The following ATP11A variants were observed in gnomAD, a reference collection of about 807,000 sequenced individuals.
ATP11A encodes phospholipid-transporting ATPase IH.
In ATP11A, 81 loss-of-function variants were observed where a neutral mutation model predicts 154.4. The observed-to-expected ratio is 0.52, with a 90% confidence interval of 0.44 to 0.63. The LOEUF (loss-of-function observed/expected upper bound fraction) is 0.63. ATP11A is among the 30% of genes least tolerant of loss of function. The pLI is 0.00. For missense variants in ATP11A, 1,316 were observed against 1,474.3 expected, an observed-to-expected ratio of 0.89 and a Z score of 1.76; for synonymous variants, 623 against 585.9, an observed-to-expected ratio of 1.06 and a Z score of -0.91.
At chr13:112,769,935 C>G (rs889828909) in intron 1 of ATP11A, among the ~76,000 whole-genome samples, 1 of 152,338 alleles carries the variant, frequency 6.6e-6, no homozygotes, top group South Asian at 2.1e-4. Context: ...TGGTCAGAAA[C>G]GTACTCCTGT....
At chr13:112,798,734 G>C (rs1412948146) in intron 2 of ATP11A, among the ~76,000 whole-genome samples, 1 of 152,138 alleles carries the variant, frequency 6.6e-6, no homozygotes, top group Admixed American at 6.5e-5. Flanking sequence ...ACCCAAGATG[G>C]CAGGAAAAGA....
At chr13:112,828,500 A>G (rs1241976637) in intron 12 of ATP11A, among the ~76,000 whole-genome samples, 4 of 143,130 alleles carry the variant, frequency 2.8e-5, no homozygotes, top group Non-Finnish European at 6.0e-5. Context: ...GAAAGTGCCC[A>G]GCGGTGTTGA....
chr13:112,842,388 CG>C lies in ATP11A; in HGVS notation c.1809+12del. 1 of 1,591,436 alleles carries C rather than the reference CG, an allele frequency of 6.3e-7. No homozygotes were observed. The highest frequency in any genetic ancestry group is 8.6e-7 in the Non-Finnish European group (1 of 1,166,914). ...TGGAGCGTAACGCAGTGGTGAGAGCCGGGCTGGGGAGGGCCTCGTGGCGGTC... is the reference window on the plus strand; with the variant it reads ...TGGAGCGTAACGCAGTGGTGAGAGCCGGCTGGGGAGGGCCTCGTGGCGGTC... On this transcript the variant is annotated intron_variant, in intron 17 of 29. Coordinates refer to ENST00000375645, the MANE Select transcript of ATP11A (RefSeq NM_015205.3).
At chr13:112,822,006 C>T (rs1373306146) in intron 8 of ATP11A, among the ~76,000 whole-genome samples, 1 of 152,210 alleles carries the variant, frequency 6.6e-6, no homozygotes, top group Non-Finnish European at 1.5e-5. Context: ...CAGCCCCACT[C>T]TGCCTGTCTT....
At chr13:112,823,832 C>A (rs1444598944) in intron 9 of ATP11A, among the ~76,000 whole-genome samples, 1 of 152,126 alleles carries the variant, frequency 6.6e-6, no homozygotes, top group East Asian at 1.9e-4. Context: ...CCTCAGTGTC[C>A]TTGGGGGACT....
intron 1 of ATP11A, among the ~76,000 whole-genome samples, chr13:112,730,998 C>T (rs534873434): frequency 5.3e-5 from 8 of 152,240 alleles, no homozygotes; most frequent in African/African-American, 7.2e-5. Context: ...TGCTGTGGCG[C>T]GATCTCTGCT....
chr13:112,737,898 T>A (rs979231473), intron 1 of ATP11A, among the ~76,000 whole-genome samples: 1 of 152,220 alleles, frequency 6.6e-6, no homozygotes, highest in African/African-American at 2.4e-5. Flanking sequence ...AGGGAAATGC[T>A]GCTTCCGGAA....
chr13:112,832,454 G>A (rs1053592427), intron 13 of ATP11A, among the ~76,000 whole-genome samples: 1 of 152,278 alleles, frequency 6.6e-6, no homozygotes, highest in East Asian at 1.9e-4. Context: ...TTAGGAGAAC[G>A]TCCCCATCGC....
chr13:112,702,758 T>A (rs1594338031), intron 1 of ATP11A, among the ~76,000 whole-genome samples: 1 of 152,226 alleles, frequency 6.6e-6, no homozygotes, highest in Non-Finnish European at 1.5e-5. Flanking sequence ...GAGGCATGGG[T>A]CTGAGGGCTT....
chr13:112,822,844 C>T (rs2078834523), intron 8 of ATP11A, among the ~76,000 whole-genome samples: 1 of 152,132 alleles, frequency 6.6e-6, no homozygotes, highest in Non-Finnish European at 1.5e-5. Flanking sequence ...TGGGACCTTC[C>T]AGTGCAGCTG....
rs2079290164 is a variant in ATP11A at position 112,838,104 on chromosome 13, TC to T, written c.1705+1856del. Among the ~76,000 whole-genome samples, 1 of 152,092 alleles carries T rather than the reference TC, an allele frequency of 6.6e-6. No homozygotes were observed. The highest frequency in any genetic ancestry group is 2.4e-5 in the African/African-American group (1 of 41,422). On this transcript the variant is annotated intron_variant, in intron 16 of 29. Coordinates refer to ENST00000375645, the MANE Select transcript of ATP11A (RefSeq NM_015205.3). The surrounding 1 kb of genome is among the most constrained non-coding windows in gnomAD (Gnocchi z 7.3). ...ATCTGTGTGTGAATGTTGCCAGGAC[TC>T]CCACGAAGAGCTTTTGCCAGCCAGA...
intron 25 of ATP11A, among the ~76,000 whole-genome samples, chr13:112,867,445 G>C (rs919098476): frequency 1.3e-5 from 2 of 152,236 alleles, no homozygotes; most frequent in Admixed American, 1.3e-4. Flanking sequence ...CAAGGACACG[G>C]GCGCCACTGT....
At chr13:112,847,977 G>C (rs2079654228) in intron 17 of ATP11A, among the ~76,000 whole-genome samples, 1 of 152,206 alleles carries the variant, frequency 6.6e-6, no homozygotes, top group Non-Finnish European at 1.5e-5. Context: ...TGTGGTCCTA[G>C]CTACTAGGCA....
At chr13:112,758,658 C>G (rs2076898290) in intron 1 of ATP11A, among the ~76,000 whole-genome samples, 1 of 151,846 alleles carries the variant, frequency 6.6e-6, no homozygotes, top group South Asian at 2.1e-4. Flanking sequence ...CTCCTGACCT[C>G]ATGATCCGCC....
chr13:112,837,167 C>G (rs552286773), intron 16 of ATP11A, among the ~76,000 whole-genome samples: 15 of 152,224 alleles, frequency 9.9e-5, no homozygotes, highest in Middle Eastern at 3.4e-3. Flanking sequence ...GCATGGCCAT[C>G]ACTTCCTAAG....
Position 112,785,262 on chromosome 13 carries a change from C to T in ATP11A, c.162+5C>T. ...AACAGGATCGTCTCGTCCAAGGTAA[C>T]TTGGCTTGGGTCTGAGTGTCCATAA... On this transcript the variant is annotated splice_donor_5th_base_variant and intron_variant, in intron 2 of 29. Coordinates refer to ENST00000375645, the MANE Select transcript of ATP11A (RefSeq NM_015205.3). The surrounding 1 kb of genome is among the most constrained non-coding windows in gnomAD (Gnocchi z 4.8). 3 of 1,506,920 alleles carry T rather than the reference C, an allele frequency of 2.0e-6. No homozygotes were observed. Among genetic ancestry groups the T allele is most frequent in the Non-Finnish European group, 2.7e-6 (3 of 1,127,468 alleles). The allele number at this position is 1,506,920 out of a possible 1,614,324, so 93.3% of individuals were successfully genotyped here.
intron 1 of ATP11A, among the ~76,000 whole-genome samples, chr13:112,776,584 G>C (rs1180792674): frequency 1.3e-5 from 2 of 152,128 alleles, no homozygotes. Context: ...GGAAGTGATA[G>C]TAAATTCTAT....
intron 2 of ATP11A, among the ~76,000 whole-genome samples, chr13:112,797,986 GC>G (rs2078044278): frequency 6.6e-6 from 1 of 152,190 alleles, no homozygotes; most frequent in Non-Finnish European, 1.5e-5. Context: ...TCTGGTGAGG[GC>G]CCCATCTCTG....
chr13:112,790,082 T>C (rs547830063), intron 2 of ATP11A, among the ~76,000 whole-genome samples: 2 of 147,398 alleles, frequency 1.4e-5, no homozygotes, highest in East Asian at 4.2e-4. Context: ...ACGTGTAGAC[T>C]CCTATGTAGA....
Sources: gnomAD v4.1 joint callset for allele counts (sites outside exome capture counted in the v4.1 genomes callset) on GRCh38, gnomAD v4.1.1 for gene constraint, Gnocchi (gnomAD v3.1) non-coding constraint, MANE v1.5 for transcripts, NCBI Gene and HGNC (gene_info 2026-07-23, HGNC 2026-07-21) for gene names.